Variants in TBC1D19 observed in about 807,000 individuals in gnomAD.
TBC1D19 encodes the protein TBC1 domain family member 19.
Under a neutral mutation model 89.0 loss-of-function variants are expected in TBC1D19, and 60 were observed. The ratio of observed to expected loss-of-function variants is 0.67; its 90% CI spans 0.55 to 0.84. The LOEUF (loss-of-function observed/expected upper bound fraction) is 0.84, where lower values mean the gene tolerates loss of function less well. Among genes scored for constraint, TBC1D19 ranks in the 40% least tolerant of loss-of-function variants. The pLI is 0.00. For missense variants in TBC1D19, 500 were observed against 610.8 expected, an observed-to-expected ratio of 0.82 and a Z score of 1.91; for synonymous variants, 189 against 199.7, an observed-to-expected ratio of 0.95 and a Z score of 0.45.
At position 26,666,319 on chromosome 4, in the gene TBC1D19, A is replaced by G. The variant is rs1711803694; in HGVS notation, c.592-14A>G. ...TCTGAGATCTATGTTAATTCTACGTATGTTATTTTTCAGAAAGAATGCTTT... is the reference window on the plus strand; with the variant it reads ...TCTGAGATCTATGTTAATTCTACGTGTGTTATTTTTCAGAAAGAATGCTTT... On this transcript the variant is annotated splice_polypyrimidine_tract_variant and intron_variant, in intron 8 of 20. Coordinates refer to ENST00000264866, the MANE Select transcript of TBC1D19 (RefSeq NM_018317.4). The G allele has an allele frequency of 1.2e-6, 2 of 1,604,834 alleles. No individual in the cohort carries two copies. The highest frequency in any genetic ancestry group is 1.3e-5 in the African/African-American group (1 of 74,702).
intron 8 of TBC1D19, among the ~76,000 whole-genome samples, chr4:26,663,231 G>A (rs1745321409): frequency 6.6e-6 from 1 of 152,120 alleles, no homozygotes; most frequent in Non-Finnish European, 1.5e-5. Context: ...AAACAGTGTG[G>A]AAAAAAGTAT....
rs150030870 is a variant in TBC1D19, at chr4:26,679,485, A to G, written c.817-4190A>G. Among the ~76,000 whole-genome samples, 957 of 152,360 alleles carry G rather than the reference A, an allele frequency of 6.3e-3. 6 individuals carry two copies. Among genetic ancestry groups the G allele is most frequent in the African/African-American group, 0.022 (903 of 41,586 alleles). On this transcript the variant is annotated intron_variant, in intron 11 of 20. Coordinates refer to ENST00000264866, the MANE Select transcript of TBC1D19 (RefSeq NM_018317.4). The stretch of plus-strand genomic sequence containing the variant: ...TATGAAAATGCCTGGATATCCAGGC[A>G]GAAGTGTGCTGCAGGGATGGAGCCC...
At chr4:26,802,767 G>C in the TBC1D19 span, among the ~76,000 whole-genome samples, 1 of 152,222 alleles carries the variant, frequency 6.6e-6, no homozygotes, top group African/African-American at 2.4e-5. Context: ...AAAATTATTA[G>C]AATGATAATG....
At chr4:26,841,226 A>G in the TBC1D19 span, among the ~76,000 whole-genome samples, 1 of 152,102 alleles carries the variant, frequency 6.6e-6, no homozygotes, top group Admixed American at 6.5e-5. Context: ...TTCTCTACCA[A>G]AAATACAAAA....
At chr4:26,585,121 G>C in intron 1 of TBC1D19, 2 of 428,326 alleles carry the variant, frequency 4.7e-6, no homozygotes, top group Non-Finnish European at 9.3e-6. Flanking sequence ...ATACGATTTT[G>C]CTTGGATATT....
chr4:26,581,745 G>A (rs1739070113), upstream of TBC1D19, among the ~76,000 whole-genome samples: 1 of 152,096 alleles, frequency 6.6e-6, no homozygotes, highest in Non-Finnish European at 1.5e-5. Flanking sequence ...ATAACTCTTT[G>A]TATAGCAGCC....
chr4:26,852,264 C>T, the TBC1D19 span, among the ~76,000 whole-genome samples: 5 of 152,236 alleles, frequency 3.3e-5, 1 homozygote, highest in East Asian at 9.7e-4. Context: ...GTCTATAAAT[C>T]CTGTTGAGGC....
chr4:26,697,874 C>T (rs189491263), intron 13 of TBC1D19, among the ~76,000 whole-genome samples: 140 of 152,096 alleles, frequency 9.2e-4, no homozygotes, highest in African/African-American at 3.1e-3. Flanking sequence ...AAATAATAAG[C>T]GCTATCTATG....
intron 13 of TBC1D19, among the ~76,000 whole-genome samples, chr4:26,714,678 T>C (rs1190844860): frequency 6.6e-6 from 1 of 152,088 alleles, no homozygotes; most frequent in Admixed American, 6.6e-5. Context: ...TATTTTTGTT[T>C]TGAATGAGGA....
chr4:26,744,633 AT>A (rs1718545907), intron 18 of TBC1D19, among the ~76,000 whole-genome samples: 1 of 152,056 alleles, frequency 6.6e-6, no homozygotes, highest in Non-Finnish European at 1.5e-5. Context: ...TCCTCTTTGA[AT>A]ATGGGTTATG....
At chr4:26,788,085 T>G in the TBC1D19 span, among the ~76,000 whole-genome samples, 1 of 152,076 alleles carries the variant, frequency 6.6e-6, no homozygotes, top group Non-Finnish European at 1.5e-5. Flanking sequence ...CTGCTGTGAC[T>G]CACCCTTTCA....
chr4:26,773,981 C>T, the TBC1D19 span, among the ~76,000 whole-genome samples: 7 of 152,290 alleles, frequency 4.6e-5, no homozygotes, highest in South Asian at 2.1e-4. Context: ...GCTAAGATCT[C>T]CTTATCTAGG....
At chr4:26,791,275 T>G in the TBC1D19 span, among the ~76,000 whole-genome samples, 3 of 152,164 alleles carry the variant, frequency 2.0e-5, no homozygotes, top group African/African-American at 4.8e-5. Flanking sequence ...CAGTCATTGA[T>G]TCGATTCATT....
intron 15 of TBC1D19, among the ~76,000 whole-genome samples, chr4:26,730,281 A>G (rs1717572858): frequency 6.6e-6 from 1 of 152,244 alleles, no homozygotes; most frequent in Non-Finnish European, 1.5e-5. Flanking sequence ...AGCAGTTCCC[A>G]TGCTCAAAGG....
the TBC1D19 span, among the ~76,000 whole-genome samples, chr4:26,842,598 T>TTC: frequency 3.1e-5 from 4 of 128,614 alleles, no homozygotes; most frequent in South Asian, 2.7e-4. Flanking sequence ...CTTTCTTTCT[T>TTC]TCTTTCTTTC....
the TBC1D19 span, among the ~76,000 whole-genome samples, chr4:26,817,308 G>A: frequency 5.9e-5 from 9 of 152,092 alleles, no homozygotes; most frequent in African/African-American, 1.9e-4. Flanking sequence ...AGCTTAGGCA[G>A]CAACAGCTCA....
chr4:26,688,441 G>C, intron 13 of TBC1D19, 34 bp downstream of exon 13: 1 of 1,498,142 alleles, frequency 6.7e-7, no homozygotes, highest in Middle Eastern at 2.1e-4. Flanking sequence ...TAGTGTTCTT[G>C]TTTTAGGTTC....
the TBC1D19 span, among the ~76,000 whole-genome samples, chr4:26,828,599 C>T: frequency 3.9e-5 from 6 of 152,248 alleles, no homozygotes; most frequent in African/African-American, 1.2e-4. Context: ...TAAAGTAAAG[C>T]GGTTGAGAGT....
intron 13 of TBC1D19, among the ~76,000 whole-genome samples, chr4:26,694,762 T>TGCAGCCTCC (rs1210810925): frequency 6.6e-6 from 1 of 152,208 alleles, no homozygotes; most frequent in African/African-American, 2.4e-5. Context: ...CAGCCTCCGC[T>TGCAGCCTCC]GCTGATACCC....
Sources: gnomAD v4.1 joint callset for allele counts (sites outside exome capture counted in the v4.1 genomes callset) on GRCh38, gnomAD v4.1.1 for gene constraint, MANE v1.5 for transcripts, NCBI Gene and HGNC (gene_info 2026-07-23, HGNC 2026-07-21) for gene names.